Variants in PEAK1 observed in about 807,000 individuals in gnomAD.
PEAK1 encodes inactive tyrosine-protein kinase PEAK1.
PEAK1 carries 54 observed loss-of-function variants against 124.7 expected under a neutral mutation model. The observed-to-expected ratio is 0.43, with a 90% CI of 0.35 to 0.54. The LOEUF is 0.54. PEAK1 is among the 20% of genes least tolerant of loss of function. PEAK1 has a pLI of 0.01. For missense variants in PEAK1, 2,046 were observed against 2,134.5 expected (o/e 0.96, Z 0.82); for synonymous variants, 719 against 760.0 (o/e 0.95, Z 0.89).
intron 1 of PEAK1, among the ~76,000 whole-genome samples, chr15:77,388,890 T>G (rs1031957684): frequency 2.0e-5 from 3 of 152,086 alleles, no homozygotes; most frequent in Non-Finnish European, 4.4e-5. Context: ...CCATCCTATC[T>G]TTTATGTTCC....
At chr15:77,240,462 A>T (rs2060305801) in intron 6 of PEAK1, among the ~76,000 whole-genome samples, 1 of 150,920 alleles carries the variant, frequency 6.6e-6, no homozygotes, top group Non-Finnish European at 1.5e-5. Context: ...TACAAAAAAT[A>T]AAAAAAAATG....
intron 2 of PEAK1, among the ~76,000 whole-genome samples, chr15:77,310,604 T>C (rs1402283254): frequency 1.3e-5 from 2 of 152,204 alleles, no homozygotes; most frequent in Non-Finnish European, 2.9e-5. Flanking sequence ...TGAAGGTTTC[T>C]AGAAGGGCAC....
intron 2 of PEAK1, among the ~76,000 whole-genome samples, chr15:77,291,692 T>C (rs2063218013): frequency 6.6e-6 from 1 of 151,814 alleles, no homozygotes; most frequent in African/African-American, 2.4e-5. Context: ...AAAAAGAGAG[T>C]TATGGCCAGG....
At chr15:77,391,718 G>A (rs914025225) in intron 1 of PEAK1, among the ~76,000 whole-genome samples, 3 of 152,178 alleles carry the variant, frequency 2.0e-5, no homozygotes, top group African/African-American at 4.8e-5. Flanking sequence ...AAAAAGGGAA[G>A]AGAAATCACT....
intron 5 of PEAK1, among the ~76,000 whole-genome samples, chr15:77,254,823 G>A (rs1596912570): frequency 6.6e-6 from 1 of 152,144 alleles, no homozygotes; most frequent in Non-Finnish European, 1.5e-5. Flanking sequence ...CTAAGTAGTA[G>A]AGAAACAATA....
At chr15:77,302,871 G>T (rs2063863404) in intron 2 of PEAK1, among the ~76,000 whole-genome samples, 1 of 152,096 alleles carries the variant, frequency 6.6e-6, no homozygotes, top group Admixed American at 6.6e-5. Flanking sequence ...CATCATCACA[G>T]TATCATACTT....
chr15:77,273,997 T>C (rs1179819899), intron 5 of PEAK1, among the ~76,000 whole-genome samples: 1 of 152,134 alleles, frequency 6.6e-6, no homozygotes, highest in Non-Finnish European at 1.5e-5. Context: ...CAACTGATCT[T>C]TGACAAAGCA....
intron 2 of PEAK1, 38 bp from the exon 3 acceptor site, chr15:77,286,542 A>G (rs2062940681): frequency 9.6e-7 from 1 of 1,039,732 alleles, no homozygotes; most frequent in Middle Eastern, 3.5e-4. Context: ...TATATTAATA[A>G]AGGGCATTTG....
chr15:77,297,361 G>C (rs1473185916), intron 2 of PEAK1, among the ~76,000 whole-genome samples: 1 of 151,774 alleles, frequency 6.6e-6, no homozygotes, highest in Non-Finnish European at 1.5e-5. Context: ...TTATAAACTT[G>C]TGTTGGCAAA....
intron 1 of PEAK1, among the ~76,000 whole-genome samples, chr15:77,394,332 G>A (rs931788429): frequency 3.9e-5 from 6 of 152,212 alleles, no homozygotes; most frequent in Non-Finnish European, 7.3e-5. Context: ...GAGAGCCGGT[G>A]CCATGCTGAC....
At chr15:77,399,700 C>A (rs2071192505) in intron 1 of PEAK1, among the ~76,000 whole-genome samples, 1 of 152,156 alleles carries the variant, frequency 6.6e-6, no homozygotes, top group South Asian at 2.1e-4. Flanking sequence ...AGACCTCAAA[C>A]TATAAAACTA....
At chr15:77,311,575 G>A (rs1444814712) in intron 2 of PEAK1, among the ~76,000 whole-genome samples, 2 of 151,272 alleles carry the variant, frequency 1.3e-5, no homozygotes, top group Non-Finnish European at 2.9e-5. Flanking sequence ...GGGAGGCTGA[G>A]GCAGGGAGAA....
At chr15:77,197,215 A>G (rs2058148910) in intron 6 of PEAK1, among the ~76,000 whole-genome samples, 1 of 152,116 alleles carries the variant, frequency 6.6e-6, no homozygotes, top group Admixed American at 6.6e-5. Flanking sequence ...ATGGCAATAG[A>G]TATTGCTTAA....
chr15:77,289,138 G>A (rs1231274798), intron 2 of PEAK1, among the ~76,000 whole-genome samples: 1 of 151,968 alleles, frequency 6.6e-6, no homozygotes, highest in East Asian at 1.9e-4. Flanking sequence ...GAAACCATAT[G>A]GCAAAGTTGA....
At chr15:77,227,322 G>T (rs1360937278) in intron 6 of PEAK1, among the ~76,000 whole-genome samples, 1 of 152,076 alleles carries the variant, frequency 6.6e-6, no homozygotes, top group Non-Finnish European at 1.5e-5. Context: ...ACAAATAAGG[G>T]GGGTGGAGTA....
intron 1 of PEAK1, among the ~76,000 whole-genome samples, chr15:77,414,861 C>T (rs941424142): frequency 6.6e-6 from 1 of 152,200 alleles, no homozygotes; most frequent in African/African-American, 2.4e-5. Context: ...ACTGGATCAC[C>T]TCCTTACAGG....
Position 77,250,233 on chromosome 15 carries a change from G to GTATATATATACACATA in PEAK1, c.-115+2133_-115+2134insTATGTGTATATATATA, listed in dbSNP as rs1324080099. Reference sequence around the variant, plus strand: ...TATGTATATATATACACATATATATGTATATGTATATATATATATATATAT... The same window carrying GTATATATATACACATA: ...TATGTATATATATACACATATATATGTATATATATACACATATATATGTATATATATATATATATAT... On this transcript the variant is annotated intron_variant, in intron 6 of 9. Transcript: ENST00000682557. Among the ~76,000 whole-genome samples, 422 of 102,694 alleles carry GTATATATATACACATA rather than the reference G, an allele frequency of 4.1e-3. 2 individuals are homozygous for GTATATATATACACATA. Among genetic ancestry groups the GTATATATATACACATA allele is most frequent in the African/African-American group, 0.014 (339 of 24,798 alleles). 67.4% of individuals were successfully genotyped at this position (102,694 alleles called of 152,430 possible). A position where few individuals can be genotyped will look rare whatever the true frequency, so the allele number is the denominator to read the frequency against.
intron 6 of PEAK1, among the ~76,000 whole-genome samples, chr15:77,236,878 C>T (rs1395634603): frequency 6.6e-6 from 1 of 152,078 alleles, no homozygotes; most frequent in Non-Finnish European, 1.5e-5. Context: ...ATAAGGGGGT[C>T]TTCTCCTTTC....
At chr15:77,166,045 A>G (rs1033972251) in intron 7 of PEAK1, among the ~76,000 whole-genome samples, 1 of 152,238 alleles carries the variant, frequency 6.6e-6, no homozygotes, top group Non-Finnish European at 1.5e-5. Flanking sequence ...GTTAGAAGAA[A>G]AAAACAGCTA....
Sources: gnomAD v4.1 joint callset for allele counts (sites outside exome capture counted in the v4.1 genomes callset) on GRCh38, gnomAD v4.1.1 for gene constraint, MANE v1.5 for transcripts, NCBI Gene and HGNC (gene_info 2026-07-23, HGNC 2026-07-21) for gene names.